The following RSKR variants were observed in gnomAD, a reference collection of about 807,000 sequenced individuals.
RSKR encodes the protein ribosomal protein S6 kinase-related protein.
A neutral mutation model predicts 56.8 loss-of-function variants in RSKR; 44 were observed. The ratio of observed to expected loss-of-function variants is 0.77; its 90% confidence interval spans 0.61 to 1.00. RSKR has a LOEUF of 1.00. RSKR is among the 50% of genes least tolerant of loss of function. The pLI is 0.00. For missense variants in RSKR, 510 were observed against 506.9 expected (o/e 1.01, Z -0.06); for synonymous variants, 181 against 188.0 (o/e 0.96, Z 0.30).
chr17:28,612,075 T>C lies in RSKR; in HGVS notation c.662A>G (p.His221Arg), dbSNP rs776311928. ...ATCTCGATGCATGATGCCCAAGTCA[T>C]GGAGATAACCTGTGGATAACAAGTA... Reference protein sequence around the residue: ...AELVLVLCYLHDLGIMHRDVK... With the variant: ...AELVLVLCYLRDLGIMHRDVK... The change falls in exon 7 of 12, where the codon CAT becomes CGT. Residue 221 changes from histidine to arginine, a missense_variant. Coordinates refer to ENST00000301037, the MANE Select transcript of RSKR (RefSeq NM_001174103.2). The C allele has an allele frequency of 6.2e-7, 1 of 1,614,232 alleles. No individual in the cohort carries two copies. Among genetic ancestry groups the C allele is most frequent in the Non-Finnish European group, 8.5e-7 (1 of 1,180,046 alleles).
chr17:28,609,968 A>C lies in RSKR; in HGVS notation c.*510T>G, dbSNP rs1029069946. On this transcript the variant is annotated 3_prime_UTR_variant, in exon 12 of 12. Coordinates refer to ENST00000301037, the MANE Select transcript of RSKR (RefSeq NM_001174103.2). ...CTCGGGAGGCTGAGGCATGAAAATC[A>C]CTTCAACCCAGGAGACGGAGGTTGC... The C allele has an allele frequency of 6.6e-6, 1 of 151,164 alleles. No homozygotes were observed. The highest frequency in any genetic ancestry group is 2.5e-5 in the African/African-American group (1 of 40,280). 9.4% of individuals were successfully genotyped at this position (151,164 alleles called of 1,614,324 possible). A position where few individuals can be genotyped will look rare whatever the true frequency, so the allele number is the denominator to read the frequency against.
At chr17:28,613,176 G>C in intron 3 of RSKR, 30 bp from the exon 4 acceptor site, 1 of 1,613,268 alleles carries the variant, frequency 6.2e-7, no homozygotes, top group Non-Finnish European at 8.5e-7. Context: ...ATGACTCATA[G>C]ATAGTGCTAT....
intron 1 of RSKR, 86 bp from the exon 2 acceptor site, chr17:28,613,774 A>G: frequency 6.4e-7 from 1 of 1,561,396 alleles, no homozygotes; most frequent in South Asian, 1.2e-5. Flanking sequence ...CCTCCCCTTA[A>G]GTCTCAACCC....
Position 28,611,558 on chromosome 17 carries a change from C to A in RSKR, c.811+9G>T. 2 of 1,555,458 alleles carry A rather than the reference C, an allele frequency of 1.3e-6. No individual in the cohort carries two copies. Among genetic ancestry groups the A allele is most frequent in the South Asian group, 1.2e-5 (1 of 80,970 alleles). Reference sequence around the variant, plus strand: ...CCAATGCTTACCCATCAGCTTTAACCTCTCTCACCCATGTACTGAAGAGTG... The same window carrying A: ...CCAATGCTTACCCATCAGCTTTAACATCTCTCACCCATGTACTGAAGAGTG... On this transcript the variant is annotated intron_variant, in intron 9 of 11. Transcript: ENST00000301037.
chr17:28,612,129 T>C (rs751762262), intron 6 of RSKR, 45 bp from the exon 7 acceptor site: 1 of 1,610,602 alleles, frequency 6.2e-7, no homozygotes, highest in South Asian at 1.1e-5. Flanking sequence ...TTCTGTCCTT[T>C]CCAGTTTCCC....
rs1273488006 is a variant in RSKR at position 28,611,595 on chromosome 17, G to A, written c.783C>T (p.Tyr261=). ...TGTACTGAAGAGTGCCACAGATAGT[G>A]TAGGCTTGAGCTCCCTGGGGCACGT... ...SRHVPQGAQA[Y]TICGTLQYMA... The change falls in exon 9 of 12, where the codon TAC becomes TAT. Residue 261 remains tyrosine, a synonymous_variant. Transcript: ENST00000301037. 1 of 1,563,226 alleles carries A rather than the reference G, an allele frequency of 6.4e-7. No homozygotes were observed. Among genetic ancestry groups the A allele is most frequent in the Non-Finnish European group, 8.6e-7 (1 of 1,157,524 alleles).
Position 28,610,711 on chromosome 17 carries a change from T to C in RSKR, c.1012-12A>G. 1 of 1,535,202 alleles carries C rather than the reference T, an allele frequency of 6.5e-7. No individual in the cohort carries two copies. Among genetic ancestry groups the C allele is most frequent in the Non-Finnish European group, 8.7e-7 (1 of 1,146,388 alleles). ...TTCTGGCATAAGAGCTGAAGGAAAA[T>C]AGAGCATGAAGGATGAGTGACTAGG... On this transcript the variant is annotated splice_polypyrimidine_tract_variant and intron_variant, in intron 11 of 11. Coordinates refer to ENST00000301037, the MANE Select transcript of RSKR (RefSeq NM_001174103.2).
chr17:28,613,646 T>C lies in RSKR; in HGVS notation c.118A>G (p.Ser40Gly). ...IRGPWARGWK[S>G]LWTGLGTIRS... ...ATGGTTCCCAAACCTGTCCAGAGGC[T>C]CTTCCAGCCTCGGGCCCAGGGACCC... is the stretch of plus-strand genomic sequence containing the variant. Residue 40 changes from serine (S) to glycine (G), a missense_variant, in exon 2 of 12, where the codon AGC becomes GGC. Physicochemically the swap from Ser to Gly is moderately conservative, Grantham distance 56. Coordinates refer to ENST00000301037, the MANE Select transcript of RSKR (RefSeq NM_001174103.2). 6.2e-7 allele frequency: 1 copy of C among 1,614,074 alleles called. No homozygotes were observed. The highest frequency in any genetic ancestry group is 8.5e-7 in the Non-Finnish European group (1 of 1,180,018).
At chr17:28,611,110 G>A (rs936817439) in intron 11 of RSKR, 33 bp downstream of exon 11, 40 of 1,503,580 alleles carry the variant, frequency 2.7e-5, no homozygotes, top group Middle Eastern at 1.7e-4. Flanking sequence ...TAATGGTTTC[G>A]TAGCCAAGAA....
rs995075486 is a variant in RSKR, at chr17:28,609,401, A to G, written c.*1077T>C. The G allele has an allele frequency of 6.6e-6, 1 of 152,108 alleles. No homozygotes were observed. The highest frequency in any genetic ancestry group is 6.6e-5 in the Admixed American group (1 of 15,264). The allele number at this position is 152,108 out of a possible 1,614,324, so 9.4% of individuals were successfully genotyped here. A position where few individuals can be genotyped will look rare whatever the true frequency, so the allele number is the denominator to read the frequency against. On this transcript the variant is annotated 3_prime_UTR_variant, in exon 12 of 12. Coordinates refer to ENST00000301037, the MANE Select transcript of RSKR (RefSeq NM_001174103.2). ...TCACTAGGAGAAATTGTCAGTTTAA[A>G]AATCCTATGCTTTTCAAAGAGGTTT...
Position 28,612,639 on chromosome 17 carries a change from C to G in RSKR, c.526G>C (p.Gly176Arg). 2 of 1,614,104 alleles carry G rather than the reference C, an allele frequency of 1.2e-6. No homozygotes were observed. Residue 176 changes from glycine (G) to arginine (R), a missense_variant, in exon 5 of 12, where the codon GGA becomes CGA. Transcript: ENST00000301037. ...TCACTAATGAAAAGGTGCCGTTTTC[C>G]CTGCCAGCTGTCCCCCAAGCTGTGT... The part of the protein sequence containing the change: ...FVHSLGDSWQ[G>R]KRHLFIMCSY...
rs1217971732 is a variant in RSKR at position 28,608,840 on chromosome 17, T to C, written c.*1638A>G. 6.6e-6 allele frequency: 1 copy of C among 152,110 alleles called. No homozygotes were observed. The highest frequency in any genetic ancestry group is 2.4e-5 in the African/African-American group (1 of 41,416). 9.4% of individuals were successfully genotyped at this position (152,110 alleles called of 1,614,324 possible). On this transcript the variant is annotated 3_prime_UTR_variant, in exon 12 of 12. Coordinates refer to ENST00000301037, the MANE Select transcript of RSKR (RefSeq NM_001174103.2). Reference sequence around the variant, plus strand: ...GTCTTTTGTCTAGAGAGATTAGATGTAACTAAATAATATGGTCTAGATTAA... The same window carrying C: ...GTCTTTTGTCTAGAGAGATTAGATGCAACTAAATAATATGGTCTAGATTAA...
Position 28,613,686 on chromosome 17 carries a change from C to T in RSKR, c.78G>A (p.Gln26=). The change falls in exon 2 of 12, where the codon CAG becomes CAA. Residue 26 remains glutamine (Q), a splice_region_variant and synonymous_variant. Transcript: ENST00000301037. ...CCCAGGGACCCCGGATGTTGCCACC[C>T]TGCTGAGAACCAAGGGAGCCACTCT... ...EHTRVAVPHK[Q]GGNIRGPWAR... is the part of the protein sequence containing the mutation. 1 of 1,613,914 alleles carries T rather than the reference C, an allele frequency of 6.2e-7. No individual in the cohort carries two copies. Among genetic ancestry groups the T allele is most frequent in the Non-Finnish European group, 8.5e-7 (1 of 1,179,970 alleles).
chr17:28,612,098 G>C lies in RSKR; in HGVS notation c.653-14C>G. On this transcript the variant is annotated splice_polypyrimidine_tract_variant and intron_variant, in intron 6 of 11. Transcript: ENST00000301037. ...CATGGAGATAACCTGTGGATAACAA[G>C]TATGGGGTATGCTGCAGCTTTTCTG... is the stretch of plus-strand genomic sequence containing the variant. 6.2e-7 allele frequency: 1 copy of C among 1,614,094 alleles called. No homozygotes were observed. The highest frequency in any genetic ancestry group is 8.5e-7 in the Non-Finnish European group (1 of 1,179,914).
rs1277432574 is a variant in RSKR, at chr17:28,610,435, A to C, written c.*43T>G. The C allele has an allele frequency of 1.3e-6, 2 of 1,503,902 alleles. No homozygotes were observed. The highest frequency in any genetic ancestry group is 1.7e-4 in the Middle Eastern group (1 of 5,828). 93.2% of individuals were successfully genotyped at this position (1,503,902 alleles called of 1,614,324 possible). A position where few individuals can be genotyped will look rare whatever the true frequency, so the allele number is the denominator to read the frequency against. ...TCATACTGAGTAGGCAGGGATGGAG[A>C]TCTTCAGGCTCCCAGCCGGGCCCCA... On this transcript the variant is annotated 3_prime_UTR_variant, in exon 12 of 12. Coordinates refer to ENST00000301037, the MANE Select transcript of RSKR (RefSeq NM_001174103.2).
At position 28,609,026 on chromosome 17, in the gene RSKR, TTAAA is replaced by T. The variant is rs952717363; in HGVS notation, c.*1448_*1451del. Reference sequence around the variant, plus strand: ...AGGTTATTGAGATATGTCTCTAACCTTAAATCTTTTTTTTTTTTTTTTTTTTTTT... The same window carrying T: ...AGGTTATTGAGATATGTCTCTAACCTTCTTTTTTTTTTTTTTTTTTTTTTT... On this transcript the variant is annotated 3_prime_UTR_variant, in exon 12 of 12. Transcript: ENST00000301037. 59 of 148,528 alleles carry T rather than the reference TTAAA, an allele frequency of 4.0e-4. No homozygotes were observed. The highest frequency in any genetic ancestry group is 1.4e-3 in the African/African-American group (55 of 40,078). 9.2% of individuals were successfully genotyped at this position (148,528 alleles called of 1,614,324 possible).
rs1446823121 is a variant in RSKR at position 28,610,367 on chromosome 17, G to T, written c.*111C>A. 2.6e-5 allele frequency: 26 copies of T among 1,006,950 alleles called. No homozygotes were observed. The highest frequency in any genetic ancestry group is 3.2e-5 in the Non-Finnish European group (22 of 688,558). 62.4% of individuals were successfully genotyped at this position (1,006,950 alleles called of 1,614,324 possible). ...GTCTAAAGCCTAGGAGAGCAGAACG[G>T]TAAGAGGCTACAAAATAAAAACAAA... On this transcript the variant is annotated 3_prime_UTR_variant, in exon 12 of 12. Coordinates refer to ENST00000301037, the MANE Select transcript of RSKR (RefSeq NM_001174103.2).
rs1294865017 is a variant in RSKR at position 28,610,577 on chromosome 17, C to T, written c.1134G>A (p.Thr378=). ...LLQKQPVNFV[T]ETQATQPSSA... ...AACTGGGCTGGGTAGCTTGTGTCTC[C>T]GTGACAAAGTTCACTGGCTGCTTCT... is the stretch of plus-strand genomic sequence containing the variant. Residue 378 remains threonine (T), a synonymous_variant, in exon 12 of 12, where the codon ACG becomes ACA. Transcript: ENST00000301037. The T allele has an allele frequency of 7.2e-6, 11 of 1,535,802 alleles. No homozygotes were observed. Among genetic ancestry groups the T allele is most frequent in the Admixed American group, 3.9e-5 (2 of 50,938 alleles).
intron 7 of RSKR, 60 bp from the exon 8 acceptor site, chr17:28,611,855 T>C (rs372757016): frequency 2.3e-4 from 379 of 1,613,506 alleles, no homozygotes; most frequent in Non-Finnish European, 3.0e-4. Context: ...TTTCATCATG[T>C]ATACACCCCA....
Sources: gnomAD v4.1 joint callset for allele counts on GRCh38, gnomAD v4.1.1 for gene constraint, MANE v1.5 for transcripts, NCBI Gene and HGNC (gene_info 2026-07-23, HGNC 2026-07-21) for gene names.